CACNG2: variants seen among roughly 807,000 people sequenced by gnomAD.
CACNG2 encodes the protein voltage-dependent calcium channel gamma-2 subunit.
CACNG2 carries 3 observed loss-of-function variants against 25.9 expected under a neutral mutation model. That is an observed-to-expected ratio of 0.12 (90% CI 0.05 to 0.30). The LOEUF is 0.30. Ranked by LOEUF, CACNG2 falls within the 10% of genes least tolerant of loss-of-function variation. The probability of loss-of-function intolerance (pLI) is 1.00; values close to 1 mark genes in which losing one functional copy is unlikely to be tolerated. For synonymous variants in CACNG2, 167 were observed against 173.3 expected (o/e 0.96, Z 0.29); for missense variants, 341 against 432.5 (o/e 0.79, Z 1.88).
intron 2 of CACNG2, among the ~76,000 whole-genome samples, chr22:36,586,719 G>A (rs1287007566): frequency 7.7e-6 from 1 of 129,218 alleles, no homozygotes; most frequent in Non-Finnish European, 1.7e-5. Context: ...CCAAAGAGAT[G>A]GCCTGAGAAC....
At chr22:36,645,001 A>T (rs953125477) in intron 1 of CACNG2, among the ~76,000 whole-genome samples, 3 of 152,226 alleles carry the variant, frequency 2.0e-5, no homozygotes, top group African/African-American at 7.2e-5. Context: ...TCAAATTCAC[A>T]TAACAAGACC....
chr22:36,576,782 C>T (rs557354494), intron 2 of CACNG2, among the ~76,000 whole-genome samples: 76 of 152,266 alleles, frequency 5.0e-4, no homozygotes, highest in Admixed American at 2.2e-3. Flanking sequence ...CTTGCCTTTC[C>T]CATCTGTGTG....
rs1935844509 is a variant in CACNG2 at position 36,606,902 on chromosome 22, G to A, written c.212-19354C>T. On this transcript the variant is annotated intron_variant, in intron 1 of 3. Transcript: ENST00000300105. This position sits in a 1 kb window ranked among gnomAD's most constrained non-coding sequence, Gnocchi z 5.7. ...GTGAGTCTGTGTGTGTGTCTGTGGTGTGTGTATGCATGTGTGTGTATATGT... is the reference window on the plus strand; with the variant it reads ...GTGAGTCTGTGTGTGTGTCTGTGGTATGTGTATGCATGTGTGTGTATATGT... Among the ~76,000 whole-genome samples the A allele has an allele frequency of 6.6e-6, 1 of 151,726 alleles. No individual in the cohort carries two copies. The highest frequency in any genetic ancestry group is 1.5e-5 in the Non-Finnish European group (1 of 67,918).
At chr22:36,678,150 A>G (rs1321650433) in intron 1 of CACNG2, among the ~76,000 whole-genome samples, 1 of 152,226 alleles carries the variant, frequency 6.6e-6, no homozygotes, top group Non-Finnish European at 1.5e-5. Context: ...ATTCTAGGTA[A>G]AATGAGGCCA....
At chr22:36,601,358 C>T (rs1418771818) in intron 1 of CACNG2, among the ~76,000 whole-genome samples, 4 of 152,182 alleles carry the variant, frequency 2.6e-5, no homozygotes, top group Non-Finnish European at 5.9e-5. Context: ...AAGGCTGAAT[C>T]AGAAATAATA....
intron 1 of CACNG2, among the ~76,000 whole-genome samples, chr22:36,619,785 G>C (rs551906536): frequency 6.6e-6 from 1 of 152,206 alleles, no homozygotes; most frequent in Non-Finnish European, 1.5e-5. Flanking sequence ...CACTGACACA[G>C]ACTGTGACAG....
At chr22:36,567,301 C>G (rs867170939) in intron 2 of CACNG2, among the ~76,000 whole-genome samples, 3 of 152,166 alleles carry the variant, frequency 2.0e-5, no homozygotes, top group Non-Finnish European at 4.4e-5. Context: ...TATGCTTCCA[C>G]CATGAACCAT....
chr22:36,673,037 G>C (rs137988471), intron 1 of CACNG2, among the ~76,000 whole-genome samples: 1,958 of 152,268 alleles, frequency 0.013, 22 homozygotes, highest in South Asian at 0.025. Flanking sequence ...ATCAGCCTGG[G>C]CAACAAGGCA....
intron 1 of CACNG2, among the ~76,000 whole-genome samples, chr22:36,676,098 T>C (rs2145997014): frequency 6.6e-6 from 1 of 152,142 alleles, no homozygotes; most frequent in East Asian, 1.9e-4. Context: ...GCCCCACCCC[T>C]CGTGGAGCAG....
At chr22:36,649,482 T>C (rs977909386) in intron 1 of CACNG2, among the ~76,000 whole-genome samples, 2 of 152,098 alleles carry the variant, frequency 1.3e-5, no homozygotes, top group Non-Finnish European at 2.9e-5. Flanking sequence ...TTAGTAGATA[T>C]AGGGTTTCAC....
intron 1 of CACNG2, among the ~76,000 whole-genome samples, chr22:36,700,635 G>A (rs987773890): frequency 3.3e-5 from 5 of 152,154 alleles, no homozygotes; most frequent in African/African-American, 9.7e-5. Context: ...TAATTAAATG[G>A]AAGTCTTTCC....
chr22:36,576,588 G>A (rs952631194), intron 2 of CACNG2, among the ~76,000 whole-genome samples: 2 of 151,858 alleles, frequency 1.3e-5, no homozygotes, highest in South Asian at 2.1e-4. Context: ...GTGTGTGTGT[G>A]TGTATGTGTG....
chr22:36,566,211 C>A (rs1935121490), intron 3 of CACNG2, 142 bp downstream of exon 3: 2 of 834,266 alleles, frequency 2.4e-6, no homozygotes, highest in Admixed American at 4.0e-5. Flanking sequence ...CCACCACCTT[C>A]CTCCCCTGCA....
intron 1 of CACNG2, among the ~76,000 whole-genome samples, chr22:36,618,326 C>T (rs934243084): frequency 6.6e-6 from 1 of 152,236 alleles, no homozygotes; most frequent in Non-Finnish European, 1.5e-5. Context: ...TCTGTCACAT[C>T]CCAGGCTGCA....
In CACNG2 at chr22:36,640,296, C is replaced by T. The variant is rs571421862; in HGVS notation, c.212-52748G>A. On this transcript the variant is annotated intron_variant, in intron 1 of 3. Transcript: ENST00000300105. Reference sequence around the variant, plus strand: ...CACAGAAAAGCCTGTTAAGTGTTGACGATTGTTATATTTCCTCTTGATGGA... The same window carrying T: ...CACAGAAAAGCCTGTTAAGTGTTGATGATTGTTATATTTCCTCTTGATGGA... Among the ~76,000 whole-genome samples the T allele has an allele frequency of 2.0e-5, 3 of 152,292 alleles. No homozygotes were observed. The East Asian group carries it at 5.8e-4, about 29-fold the overall frequency.
At chr22:36,583,625 G>A (rs2145919574) in intron 2 of CACNG2, among the ~76,000 whole-genome samples, 1 of 152,174 alleles carries the variant, frequency 6.6e-6, no homozygotes, top group East Asian at 1.9e-4. Context: ...CCTGCCCCAT[G>A]GCCCATGCCC....
At chr22:36,668,217 G>T (rs1433249686) in intron 1 of CACNG2, among the ~76,000 whole-genome samples, 1 of 152,144 alleles carries the variant, frequency 6.6e-6, no homozygotes, top group African/African-American at 2.4e-5. Context: ...GATCATGCAC[G>T]GCCCGTGCCT....
At chr22:36,609,981 C>T (rs1423146692) in intron 1 of CACNG2, among the ~76,000 whole-genome samples, 1 of 149,986 alleles carries the variant, frequency 6.7e-6, no homozygotes, top group Non-Finnish European at 1.5e-5. Context: ...GGGCAGGAAT[C>T]AGTCTCCCAG....
rs575701487 is a variant in CACNG2 at position 36,643,049 on chromosome 22, CTTCT to C, written c.212-55505_212-55502del. Among the ~76,000 whole-genome samples, 697 of 147,858 alleles carry C rather than the reference CTTCT, an allele frequency of 4.7e-3. 4 individuals carry two copies. Among genetic ancestry groups the C allele is most frequent in the Non-Finnish European group, 8.8e-3 (590 of 66,858 alleles). ...CCTCCCTCCCTCCCTTTCTTCCTTC[CTTCT>C]TTCTCTCTTTATCTTCTTTTTCCTT... On this transcript the variant is annotated intron_variant, in intron 1 of 3. Transcript: ENST00000300105.
Sources: gnomAD v4.1 joint callset for allele counts (sites outside exome capture counted in the v4.1 genomes callset) on GRCh38, gnomAD v4.1.1 for gene constraint, Gnocchi (gnomAD v3.1) non-coding constraint, MANE v1.5 for transcripts, NCBI Gene and HGNC (gene_info 2026-07-23, HGNC 2026-07-21) for gene names.